The following THSD7A variants were observed in gnomAD, a reference collection of about 807,000 sequenced individuals.
THSD7A encodes the protein thrombospondin type-1 domain-containing protein 7A.
Under a neutral mutation model 231.3 loss-of-function variants are expected in THSD7A, and 96 were observed. That is an observed-to-expected ratio of 0.41 (90% CI 0.35 to 0.49). The LOEUF is 0.49. Ranked by LOEUF, THSD7A falls within the 20% of genes least tolerant of loss-of-function variation. The pLI, the probability that THSD7A is intolerant of heterozygous loss-of-function variation, is 0.05. For synonymous variants in THSD7A, 940 were observed against 743.3 expected (o/e 1.26, Z -4.30); for missense variants, 2,290 against 2,070.2 (o/e 1.11, Z -2.06).
intron 6 of THSD7A, among the ~76,000 whole-genome samples, chr7:11,531,418 T>G (rs543240931): frequency 3.3e-4 from 50 of 152,300 alleles, no homozygotes; most frequent in African/African-American, 1.2e-3. Flanking sequence ...CCAAAGCCCC[T>G]GAATGATCTC....
At chr7:11,393,572 AG>A (rs1431530934) in intron 23 of THSD7A, among the ~76,000 whole-genome samples, 3 of 152,344 alleles carry the variant, frequency 2.0e-5, no homozygotes, top group African/African-American at 7.2e-5. Flanking sequence ...TCTGAGCTAA[AG>A]GAACACGTTC....
chr7:11,556,370 T>C (rs1175495383), intron 4 of THSD7A, among the ~76,000 whole-genome samples: 1 of 151,664 alleles, frequency 6.6e-6, no homozygotes, highest in African/African-American at 2.4e-5. Flanking sequence ...ATATTTTCAT[T>C]TTGCTAGTTC....
At chr7:11,495,710 C>T (rs1219541651) in intron 6 of THSD7A, among the ~76,000 whole-genome samples, 1 of 152,008 alleles carries the variant, frequency 6.6e-6, no homozygotes, top group Non-Finnish European at 1.5e-5. Context: ...ATAGAGGCTG[C>T]CTATGTGATC....
At chr7:11,495,532 AAAG>A (rs1460625025) in intron 6 of THSD7A, among the ~76,000 whole-genome samples, 1 of 152,178 alleles carries the variant, frequency 6.6e-6, no homozygotes, top group East Asian at 1.9e-4. Flanking sequence ...GAACAGTTTC[AAAG>A]AAGATAACAT....
At position 11,375,838 on chromosome 7, in the gene THSD7A, G is replaced by T. The variant is rs2115281612; in HGVS notation, c.4930C>A (p.Leu1644Met). Residue 1644 changes from leucine to methionine, a missense_variant, in exon 28 of 28, where the codon CTG becomes ATG. Coordinates refer to ENST00000423059, the MANE Select transcript of THSD7A (RefSeq NM_015204.3). Reference protein sequence around the residue: ...KKPQRRQNNRLKPLTLAYDGD... With the variant: ...KKPQRRQNNRMKPLTLAYDGD... ...TCATAGGCTAAGGTTAAAGGTTTCA[G>T]TCGGTTGTTTTGCCTTCTTTGGGGT... is the stretch of plus-strand genomic sequence containing the variant. 6.2e-7 allele frequency: 1 copy of T among 1,612,870 alleles called. No homozygotes were observed. Among genetic ancestry groups the T allele is most frequent in the East Asian group, 2.2e-5 (1 of 44,842 alleles).
At chr7:11,818,445 T>A (rs1784775451) in intron 1 of THSD7A, among the ~76,000 whole-genome samples, 1 of 152,212 alleles carries the variant, frequency 6.6e-6, no homozygotes, top group African/African-American at 2.4e-5. Flanking sequence ...GTCTCCTTCC[T>A]GAGGGCGCTC....
At chr7:11,796,086 G>T (rs1405717826) in intron 1 of THSD7A, among the ~76,000 whole-genome samples, 2 of 131,734 alleles carry the variant, frequency 1.5e-5, no homozygotes, top group African/African-American at 2.8e-5. Context: ...ATTTGGATCA[G>T]TAATGATCTA....
At chr7:11,706,279 T>C (rs1780762836) in intron 1 of THSD7A, among the ~76,000 whole-genome samples, 1 of 150,922 alleles carries the variant, frequency 6.6e-6, no homozygotes, top group Non-Finnish European at 1.5e-5. Context: ...AGTGCTGTGG[T>C]CTTGTCTGTG....
intron 1 of THSD7A, among the ~76,000 whole-genome samples, chr7:11,674,521 G>C (rs879836907): frequency 6.6e-6 from 1 of 152,024 alleles, no homozygotes; most frequent in African/African-American, 2.4e-5. Context: ...CAAAAACATT[G>C]CTGCAAAAAG....
intron 1 of THSD7A, among the ~76,000 whole-genome samples, chr7:11,791,809 G>A (rs1236859039): frequency 1.3e-5 from 2 of 151,820 alleles, no homozygotes; most frequent in African/African-American, 4.8e-5. Context: ...GTAACGGTGC[G>A]TTGCTCCATT....
chr7:11,740,988 G>A (rs1250296500), intron 1 of THSD7A, among the ~76,000 whole-genome samples: 2 of 151,910 alleles, frequency 1.3e-5, no homozygotes, highest in Non-Finnish European at 2.9e-5. Context: ...GGTCTTTTAT[G>A]TATTAAATGG....
intron 9 of THSD7A, 101 bp downstream of exon 9, chr7:11,469,778 G>A: frequency 2.7e-6 from 2 of 738,012 alleles, no homozygotes; most frequent in Non-Finnish European, 4.7e-6. Flanking sequence ...GGTTTACATA[G>A]CCCTGTGCAA....
At chr7:11,514,354 C>A (rs1787940158) in intron 6 of THSD7A, among the ~76,000 whole-genome samples, 1 of 152,140 alleles carries the variant, frequency 6.6e-6, no homozygotes. Context: ...CAGTGCCTGG[C>A]ACAGAGTAGC....
chr7:11,737,496 T>G (rs2128159596), intron 1 of THSD7A, among the ~76,000 whole-genome samples: 1 of 152,100 alleles, frequency 6.6e-6, no homozygotes, highest in Admixed American at 6.6e-5. Flanking sequence ...TTTACTACAC[T>G]CACGCAGTTC....
At chr7:11,568,925 A>G (rs891723273) in intron 4 of THSD7A, among the ~76,000 whole-genome samples, 4 of 151,740 alleles carry the variant, frequency 2.6e-5, no homozygotes, top group Non-Finnish European at 5.9e-5. Flanking sequence ...TGGCTTTTCT[A>G]TACATCAAAA....
chr7:11,804,200 A>G (rs1488508699), intron 1 of THSD7A, among the ~76,000 whole-genome samples: 1 of 152,096 alleles, frequency 6.6e-6, no homozygotes, highest in African/African-American at 2.4e-5. Context: ...TTTTATTCCA[A>G]TTGATAAAAT....
At chr7:11,769,122 A>T (rs13438586) in intron 1 of THSD7A, among the ~76,000 whole-genome samples, 2,055 of 34,924 alleles carry the variant, frequency 0.059, 189 homozygotes, top group Admixed American at 0.086. Flanking sequence ...AATTCCTGGC[A>T]ATATATATAT....
chr7:11,581,862 T>A (rs1408533075), intron 4 of THSD7A, among the ~76,000 whole-genome samples: 1 of 152,132 alleles, frequency 6.6e-6, no homozygotes, highest in East Asian at 1.9e-4. Context: ...GTATATAAAG[T>A]TGGCATTATT....
chr7:11,652,323 G>T (rs1484220382), intron 1 of THSD7A, among the ~76,000 whole-genome samples: 1 of 151,894 alleles, frequency 6.6e-6, no homozygotes, highest in Non-Finnish European at 1.5e-5. Flanking sequence ...AATTATTTAG[G>T]ATAAGAATAA....
Sources: allele counts gnomAD v4.1 joint callset (sites outside exome capture counted in the v4.1 genomes callset), GRCh38; gene constraint gnomAD v4.1.1; transcripts MANE v1.5; gene names NCBI Gene and HGNC (gene_info 2026-07-23, HGNC 2026-07-21).